The following CHIC1 variants were observed in gnomAD, a reference collection of about 807,000 sequenced individuals.
The protein encoded by CHIC1 is cysteine rich hydrophobic domain 1, also known as cysteine-rich hydrophobic domain-containing protein 1.
CHIC1 carries 7 observed loss-of-function variants against 18.5 expected under a neutral mutation model. The observed-to-expected ratio is 0.38, with a 90% CI of 0.22 to 0.71. The LOEUF is 0.71. CHIC1 is among the 30% of genes least tolerant of loss of function. CHIC1 has a pLI of 0.49. For missense variants in CHIC1, 159 were observed against 176.9 expected (o/e 0.90, Z 0.57); for synonymous variants, 77 against 73.5 (o/e 1.05, Z -0.25).
chrX:73,664,225 T>C (rs914321976), intron 3 of CHIC1, among the ~76,000 whole-genome samples: 1 of 111,802 alleles, frequency 8.9e-6, no homozygotes, highest in Non-Finnish European at 1.9e-5. Flanking sequence ...TGGACCTGCA[T>C]TGATTTGCCC....
rs762631816 is a variant in CHIC1, at chrX:73,658,954, G to C, written c.508-20372G>C. Among the ~76,000 whole-genome samples the C allele has an allele frequency of 1.8e-4, 20 of 111,959 alleles. No homozygotes were observed. The South Asian group carries it at 7.5e-3, about 42-fold the overall frequency. On this transcript the variant is annotated intron_variant, in intron 3 of 5. Coordinates refer to ENST00000373502, the MANE Select transcript of CHIC1 (RefSeq NM_001039840.4). ...CACAGGTTTTTTGCCTGGCCGTGTG[G>C]CTAGGGGACCAGGCCACCCACAGAC... is the stretch of plus-strand genomic sequence containing the variant.
At chrX:73,677,244 T>C (rs2058070343) in intron 3 of CHIC1, among the ~76,000 whole-genome samples, 1 of 111,985 alleles carries the variant, frequency 8.9e-6, no homozygotes, top group Admixed American at 9.4e-5. Context: ...GGAGAACCAC[T>C]ACTCTCTTCA....
chrX:73,597,554 T>A (rs1485734369), intron 3 of CHIC1, among the ~76,000 whole-genome samples: 3 of 106,814 alleles, frequency 2.8e-5, no homozygotes, highest in South Asian at 3.9e-4. Context: ...AAATATATTT[T>A]TATATATATA....
At chrX:73,645,438 G>T (rs1270322928) in intron 3 of CHIC1, among the ~76,000 whole-genome samples, 2 of 111,774 alleles carry the variant, frequency 1.8e-5, no homozygotes, top group Non-Finnish European at 3.8e-5. Flanking sequence ...AAGTGGGATT[G>T]CTGGATTATA....
rs144329230 is a variant in CHIC1 at position 73,573,259 on chromosome X, C to T, written c.297-4148C>T. 4.4e-3 allele frequency among the ~76,000 whole-genome samples: 487 copies of T among 110,519 alleles called. 5 individuals are homozygous for T. The highest frequency in any genetic ancestry group is 0.015 in the African/African-American group (460 of 30,551). The stretch of plus-strand genomic sequence containing the variant: ...GTCAAAGATCAGATGGTAGTAGGTG[C>T]GCAGCTTTATTTCTGTGGTCTATTC... On this transcript the variant is annotated intron_variant, in intron 1 of 5. Transcript: ENST00000373502.
At chrX:73,641,645 C>T (rs903507006) in intron 3 of CHIC1, among the ~76,000 whole-genome samples, 2 of 110,328 alleles carry the variant, frequency 1.8e-5, no homozygotes, top group Non-Finnish European at 3.8e-5. Flanking sequence ...TTAGGTATAT[C>T]TCCTAAAGCC....
At chrX:73,595,932 C>T (rs913880556) in intron 3 of CHIC1, among the ~76,000 whole-genome samples, 15 of 111,607 alleles carry the variant, frequency 1.3e-4, no homozygotes, top group African/African-American at 3.9e-4. Flanking sequence ...ACAGTAATTA[C>T]GAGCTTTTTT....
intron 1 of CHIC1, among the ~76,000 whole-genome samples, chrX:73,565,466 C>T (rs2057440673): frequency 8.9e-6 from 1 of 111,776 alleles, no homozygotes; most frequent in Admixed American, 9.5e-5. Context: ...TAATTAGGAG[C>T]ATGCGGGTAG....
intron 3 of CHIC1, among the ~76,000 whole-genome samples, chrX:73,585,301 C>T (rs1237221096): frequency 9.0e-6 from 1 of 111,076 alleles, no homozygotes; most frequent in Non-Finnish European, 1.9e-5. Flanking sequence ...CAAAAATATT[C>T]CCAAGAAGTA....
chrX:73,566,244 GCCTCTCCCT>G (rs1405404127), intron 1 of CHIC1, among the ~76,000 whole-genome samples: 1 of 109,620 alleles, frequency 9.1e-6, no homozygotes, highest in African/African-American at 3.3e-5. Context: ...ACAGTCTGCT[GCCTCTCCCT>G]ACTCCAGTCC....
chrX:73,660,173 C>T (rs1156417749), intron 3 of CHIC1, among the ~76,000 whole-genome samples: 1 of 112,324 alleles, frequency 8.9e-6, no homozygotes, highest in African/African-American at 3.2e-5. Flanking sequence ...ACTGTTAAGG[C>T]ATTTCCTTTA....
Position 73,624,864 on chromosome X carries a change from A to G in CHIC1, c.507+40292A>G, listed in dbSNP as rs146807283. Among the ~76,000 whole-genome samples the G allele has an allele frequency of 6.4e-3, 717 of 112,459 alleles. 8 individuals carry two copies. Among genetic ancestry groups the G allele is most frequent in the African/African-American group, 0.022 (671 of 30,974 alleles). ...ACACACAAAGCACACCAGATTTGCT[A>G]CAGCTGAAGACTAGCCTCACAAATT... On this transcript the variant is annotated intron_variant, in intron 3 of 5. Coordinates refer to ENST00000373502, the MANE Select transcript of CHIC1 (RefSeq NM_001039840.4).
rs1197896473 is a variant in CHIC1, at chrX:73,569,504, G to A, written c.296+5924G>A. Reference sequence around the variant, plus strand: ...AGTAGATTGTATATTTAATGAAGTTGATAAAATGATAGTGTGAGCACTTCC... The same window carrying A: ...AGTAGATTGTATATTTAATGAAGTTAATAAAATGATAGTGTGAGCACTTCC... On this transcript the variant is annotated intron_variant, in intron 1 of 5. Transcript: ENST00000373502. Among the ~76,000 whole-genome samples the A allele has an allele frequency of 5.4e-5, 6 of 111,574 alleles. No individual in the cohort carries two copies. The East Asian group carries it at 1.7e-3, about 31-fold the overall frequency.
At chrX:73,578,010 A>G (rs1443714015) in intron 2 of CHIC1, among the ~76,000 whole-genome samples, 1 of 109,641 alleles carries the variant, frequency 9.1e-6, no homozygotes, top group Non-Finnish European at 1.9e-5. Context: ...ATTCAAAACT[A>G]TAAATTTAAA....
intron 3 of CHIC1, among the ~76,000 whole-genome samples, chrX:73,632,794 A>G (rs1416438051): frequency 4.4e-5 from 3 of 67,736 alleles, no homozygotes; most frequent in Admixed American, 2.4e-4. Context: ...TTTGAGTCGG[A>G]GTTTCGCTCT....
rs766762037 is a variant in CHIC1 at position 73,611,791 on chromosome X, T to A, written c.507+27219T>A. Among the ~76,000 whole-genome samples, 116 of 108,686 alleles carry A rather than the reference T, an allele frequency of 1.1e-3. 3 individuals carry two copies. The highest frequency in any genetic ancestry group is 3.9e-3 in the African/African-American group (110 of 28,184). The allele number at this position is 108,686 out of a possible 115,157, so 94.4% of individuals were successfully genotyped here. ...GCCAGTGATGATGAGCATTTTTTCA[T>A]GTGTTTTTTGGCTGCATAAATGTCT... On this transcript the variant is annotated intron_variant, in intron 3 of 5. Transcript: ENST00000373502.
intron 3 of CHIC1, among the ~76,000 whole-genome samples, chrX:73,644,970 A>AC (rs775691899): frequency 1.1e-3 from 126 of 112,162 alleles, no homozygotes; most frequent in Non-Finnish European, 2.0e-3. Flanking sequence ...GGTGCGCTGC[A>AC]CCCACTGTCC....
chrX:73,612,391 G>T (rs1015523644), intron 3 of CHIC1, among the ~76,000 whole-genome samples: 1 of 111,389 alleles, frequency 9.0e-6, no homozygotes, highest in African/African-American at 3.3e-5. Context: ...GAGATGCAGT[G>T]TTAGGTTGTT....
At chrX:73,643,697 G>T (rs1352475420) in intron 3 of CHIC1, among the ~76,000 whole-genome samples, 3 of 111,706 alleles carry the variant, frequency 2.7e-5, no homozygotes, top group Non-Finnish European at 5.6e-5. Flanking sequence ...TGTAGTTGTC[G>T]AGCCTTGGCT....
Sources: gnomAD v4.1 joint callset for allele counts (sites outside exome capture counted in the v4.1 genomes callset) on GRCh38, gnomAD v4.1.1 for gene constraint, MANE v1.5 for transcripts, NCBI Gene and HGNC (gene_info 2026-07-23, HGNC 2026-07-21) for gene names.